RTF1: variants seen among roughly 807,000 people sequenced by gnomAD.
The protein encoded by RTF1 is RNA polymerase-associated protein RTF1 homolog.
RTF1 carries 10 observed loss-of-function variants against 95.7 expected under a neutral mutation model. That is an observed-to-expected ratio of 0.10 (90% CI 0.06 to 0.18). The LOEUF (loss-of-function observed/expected upper bound fraction) is 0.18. Among genes scored for constraint, RTF1 ranks in the 10% least tolerant of loss-of-function variants. RTF1 has a pLI of 1.00. For synonymous variants in RTF1, 305 were observed against 311.8 expected (o/e 0.98, Z 0.23); for missense variants, 458 against 875.6 (o/e 0.52, Z 6.02).
Position 41,450,519 on chromosome 15 carries a change from A to C in RTF1, c.310-2382A>C, listed in dbSNP as rs537658381. ...ACAATGGCGTGAACCGGGGAGGCGG[A>C]GCTTGCAGTGAGCCAAGATTGCACC... On this transcript the variant is annotated intron_variant, in intron 2 of 17. Transcript: ENST00000389629. Among the ~76,000 whole-genome samples, 125 of 151,712 alleles carry C rather than the reference A, an allele frequency of 8.2e-4. 3 individuals are homozygous for C. In the South Asian group the frequency reaches 0.017, roughly 20 times the overall value.
At chr15:41,469,954 C>T (rs1013821891) in intron 6 of RTF1, among the ~76,000 whole-genome samples, 4 of 152,342 alleles carry the variant, frequency 2.6e-5, no homozygotes, top group South Asian at 4.1e-4. Context: ...CCTCTTTCCT[C>T]CCCATAGTCA....
intron 1 of RTF1, among the ~76,000 whole-genome samples, chr15:41,432,949 GAA>G (rs1330493974): frequency 2.7e-5 from 4 of 149,464 alleles, no homozygotes; most frequent in African/African-American, 9.9e-5. Flanking sequence ...ACAAAAAAAA[GAA>G]AAACAAACAG....
intron 3 of RTF1, 32 bp from the exon 4 acceptor site, chr15:41,457,640 A>G: frequency 6.2e-7 from 1 of 1,601,550 alleles, no homozygotes; most frequent in Non-Finnish European, 8.6e-7. Context: ...TCTGTAGCAT[A>G]GTGTAATCTT....
At chr15:41,475,662 A>T in intron 10 of RTF1, 50 bp downstream of exon 10, 1 of 1,603,544 alleles carries the variant, frequency 6.2e-7, no homozygotes. Flanking sequence ...TTGAGAAAAT[A>T]TCTTTCCAAA....
At chr15:41,421,712 T>C in intron 1 of RTF1, among the ~76,000 whole-genome samples, 1 of 149,650 alleles carries the variant, frequency 6.7e-6, no homozygotes, top group African/African-American at 2.4e-5. Context: ...ACTGGTTCTT[T>C]TTTTTTTTTT....
intron 14 of RTF1, 80 bp downstream of exon 14, chr15:41,477,595 A>G: frequency 7.5e-7 from 1 of 1,327,938 alleles, no homozygotes; most frequent in Admixed American, 1.7e-5. Flanking sequence ...GCCTAAGTTT[A>G]TTTTTTAATT....
chr15:41,462,163 C>G (rs1405908768), intron 4 of RTF1, among the ~76,000 whole-genome samples: 1 of 152,124 alleles, frequency 6.6e-6, no homozygotes, highest in Non-Finnish European at 1.5e-5. Flanking sequence ...GTTTGTTTAG[C>G]TTCAGGGCAG....
chr15:41,457,720 C>T lies in RTF1; in HGVS notation c.506C>T (p.Ser169Leu). The change falls in exon 4 of 18, where the codon TCA (serine) becomes TTA (leucine). Residue 169 changes from serine (S) to leucine (L), a missense_variant. This residue lies in a region of RTF1 where 15 missense variants were observed against 28.4 expected (regional missense o/e 0.53). Transcript: ENST00000389629. ...DSNSSSSSSDSDSSSEDEEFH... is the reference protein window; with the variant it reads ...DSNSSSSSSDLDSSSEDEEFH... ...AACAGCTCCTCTTCCAGTTCAGATT[C>T]AGACTCTTCCTCAGAAGATGAAGAG... 6.2e-7 allele frequency: 1 copy of T among 1,614,070 alleles called. No homozygotes were observed. The highest frequency in any genetic ancestry group is 8.5e-7 in the Non-Finnish European group (1 of 1,180,018).
intron 8 of RTF1, among the ~76,000 whole-genome samples, chr15:41,473,320 G>T (rs760807327): frequency 8.6e-5 from 13 of 151,772 alleles, no homozygotes; most frequent in Non-Finnish European, 1.8e-4. Flanking sequence ...TTTTAGTAGA[G>T]ACGGGGTTTC....
At chr15:41,440,313 C>G (rs1451042436) in intron 2 of RTF1, 3 of 151,530 alleles carry the variant, frequency 2.0e-5, no homozygotes, top group Non-Finnish European at 4.4e-5. Flanking sequence ...GCCTCAGCCT[C>G]CTGAGTAGCT....
At chr15:41,440,634 C>T (rs1404490906) in intron 2 of RTF1, among the ~76,000 whole-genome samples, 6 of 151,568 alleles carry the variant, frequency 4.0e-5, no homozygotes, top group South Asian at 4.2e-4. Flanking sequence ...GGACTGCAGG[C>T]GCATGTCACC....
chr15:41,418,603 G>T (rs951371569), intron 1 of RTF1, among the ~76,000 whole-genome samples: 14 of 152,156 alleles, frequency 9.2e-5, no homozygotes, highest in Non-Finnish European at 1.6e-4. Context: ...CTGAGGTCGG[G>T]AGTTCGAGAC....
Position 41,424,813 on chromosome 15 carries a change from A to G in RTF1, c.198+7500A>G, listed in dbSNP as rs566309583. ...ATCATATGAGGCCAGGAGTTCGACC[A>G]GGCGGGCCAACATGGCGAAACCCCA... On this transcript the variant is annotated intron_variant, in intron 1 of 17. Coordinates refer to ENST00000389629, the MANE Select transcript of RTF1 (RefSeq NM_015138.5). Among the ~76,000 whole-genome samples the G allele has an allele frequency of 5.9e-5, 9 of 152,282 alleles. No individual in the cohort carries two copies. The East Asian group carries it at 1.4e-3, about 23-fold the overall frequency.
At chr15:41,471,422 T>G (rs2050911038) in intron 8 of RTF1, 73 bp downstream of exon 8, 2 of 1,456,572 alleles carry the variant, frequency 1.4e-6, no homozygotes, top group Admixed American at 4.6e-5. Context: ...CAGGAGCTAC[T>G]GAAAAAATCG....
In RTF1 at chr15:41,446,645, C is replaced by A. The variant is rs140352281; in HGVS notation, c.310-6256C>A. The stretch of plus-strand genomic sequence containing the variant: ...AGTGTGCGCTAAAACTTGTCTTATT[C>A]TCTCTCCTTTTAGTCTCACACTACC... On this transcript the variant is annotated intron_variant, in intron 2 of 17. Coordinates refer to ENST00000389629, the MANE Select transcript of RTF1 (RefSeq NM_015138.5). Among the ~76,000 whole-genome samples, 516 of 152,138 alleles carry A rather than the reference C, an allele frequency of 3.4e-3. 4 individuals are homozygous for A. Among genetic ancestry groups the A allele is most frequent in the African/African-American group, 0.012 (499 of 41,498 alleles).
intron 2 of RTF1, among the ~76,000 whole-genome samples, chr15:41,446,226 A>G (rs1008413583): frequency 6.6e-6 from 1 of 152,230 alleles, no homozygotes; most frequent in African/African-American, 2.4e-5. Context: ...AGGGTCTTAG[A>G]GATCATCTGA....
Position 41,477,450 on chromosome 15 carries a change from C to A in RTF1, c.1683-8C>A. ...CACAGCCACTGACTCATCCCTCTTACCCCACAGTTACATCAACCAGCGGAA... is the reference window on the plus strand; with the variant it reads ...CACAGCCACTGACTCATCCCTCTTAACCCACAGTTACATCAACCAGCGGAA... On this transcript the variant is annotated splice_region_variant and splice_polypyrimidine_tract_variant and intron_variant, in intron 13 of 17. Coordinates refer to ENST00000389629, the MANE Select transcript of RTF1 (RefSeq NM_015138.5). 6.2e-7 allele frequency: 1 copy of A among 1,614,162 alleles called. No homozygotes were observed. The highest frequency in any genetic ancestry group is 8.5e-7 in the Non-Finnish European group (1 of 1,180,016).
chr15:41,438,435 G>T lies in RTF1; in HGVS notation c.309+4G>T. ...GACGTCTGACAGTGACGATGAGGTG[G>T]GTGTGGAGGGCCTCGGCTTCTGGGA... On this transcript the variant is annotated splice_donor_region_variant and intron_variant, in intron 2 of 17. Coordinates refer to ENST00000389629, the MANE Select transcript of RTF1 (RefSeq NM_015138.5). The T allele has an allele frequency of 1.9e-6, 3 of 1,543,098 alleles. No homozygotes were observed. The highest frequency in any genetic ancestry group is 2.6e-6 in the Non-Finnish European group (3 of 1,140,356).
chr15:41,465,307 G>T (rs1017208176), intron 5 of RTF1, among the ~76,000 whole-genome samples: 1 of 151,920 alleles, frequency 6.6e-6, no homozygotes, highest in Non-Finnish European at 1.5e-5. Flanking sequence ...TGAGACTACA[G>T]GCATATGCTA....
Sources: gnomAD v4.1 joint callset for allele counts (sites outside exome capture counted in the v4.1 genomes callset) on GRCh38, gnomAD v4.1.1 for gene constraint, gnomAD v4.1.1 regional missense constraint, MANE v1.5 for transcripts, NCBI Gene and HGNC (gene_info 2026-07-23, HGNC 2026-07-21) for gene names.